TBC1D5: variants seen among roughly 807,000 people sequenced by gnomAD.
The protein encoded by TBC1D5 is TBC1 domain family, member 5.
A neutral mutation model predicts 100.3 loss-of-function variants in TBC1D5; 75 were observed. The observed-to-expected ratio is 0.75, with a 90% confidence interval of 0.62 to 0.91. TBC1D5 has a LOEUF of 0.91. Among genes scored for constraint, TBC1D5 ranks in the 40% least tolerant of loss-of-function variants. The probability of loss-of-function intolerance (pLI) is 0.00; values close to 1 mark genes in which losing one functional copy is unlikely to be tolerated. For missense variants in TBC1D5, 910 were observed against 942.4 expected (o/e 0.97, Z 0.45); for synonymous variants, 323 against 325.6 (o/e 0.99, Z 0.09).
At chr3:17,329,782 T>A (rs553606954) in intron 13 of TBC1D5, among the ~76,000 whole-genome samples, 1 of 152,024 alleles carries the variant, frequency 6.6e-6, no homozygotes, top group African/African-American at 2.4e-5. Context: ...AGATGCCATC[T>A]AAGATCTAAC....
chr3:17,236,225 A>T (rs1272107142), intron 17 of TBC1D5, among the ~76,000 whole-genome samples: 29 of 152,184 alleles, frequency 1.9e-4, no homozygotes, highest in Admixed American at 1.9e-3. Context: ...ACATTAAGAG[A>T]TTCTCTGACT....
intron 12 of TBC1D5, 42 bp downstream of exon 12, chr3:17,374,429 C>T: frequency 6.4e-7 from 1 of 1,558,030 alleles, no homozygotes; most frequent in Non-Finnish European, 8.7e-7. Context: ...AAAGCATTTG[C>T]TCCATAGCAT....
chr3:17,457,044 T>A (rs1380590460), intron 3 of TBC1D5, among the ~76,000 whole-genome samples: 2 of 152,150 alleles, frequency 1.3e-5, no homozygotes, highest in Non-Finnish European at 2.9e-5. Flanking sequence ...GGGGGTAGAA[T>A]CTTTTGCATT....
At chr3:17,468,432 A>G (rs577298228) in intron 3 of TBC1D5, among the ~76,000 whole-genome samples, 4 of 152,250 alleles carry the variant, frequency 2.6e-5, no homozygotes, top group African/African-American at 9.6e-5. Flanking sequence ...TGCAACTTAT[A>G]ATAACTTATA....
intron 1 of TBC1D5, among the ~76,000 whole-genome samples, chr3:17,719,178 A>G (rs2075486491): frequency 6.6e-6 from 1 of 152,208 alleles, no homozygotes; most frequent in African/African-American, 2.4e-5. Context: ...AAAAACTACA[A>G]TGTTTCAAAT....
intron 13 of TBC1D5, among the ~76,000 whole-genome samples, chr3:17,334,170 T>C (rs1478499942): frequency 6.6e-6 from 1 of 151,788 alleles, no homozygotes; most frequent in Non-Finnish European, 1.5e-5. Flanking sequence ...AATATGACCG[T>C]GAGAGTGAGT....
chr3:17,433,212 C>T lies in TBC1D5; in HGVS notation c.98-4693G>A, dbSNP rs1237575817. Among the ~76,000 whole-genome samples, 3 of 152,170 alleles carry T rather than the reference C, an allele frequency of 2.0e-5. No individual in the cohort carries two copies. The East Asian group carries it at 5.8e-4, about 29-fold the overall frequency. Reference sequence around the variant, plus strand: ...TGACACAAGGTGCCTTTCTCTGTTCCGGCTACTTTAGAAGAAGCAGCGGAC... The same window carrying T: ...TGACACAAGGTGCCTTTCTCTGTTCTGGCTACTTTAGAAGAAGCAGCGGAC... On this transcript the variant is annotated intron_variant, in intron 3 of 21. Coordinates refer to ENST00000253692, the Ensembl canonical transcript of TBC1D5.
At chr3:17,251,189 T>C (rs1388405666) in intron 16 of TBC1D5, among the ~76,000 whole-genome samples, 1 of 152,204 alleles carries the variant, frequency 6.6e-6, no homozygotes, top group East Asian at 1.9e-4. Flanking sequence ...TTCATCATGG[T>C]CCACTCTTTT....
intron 13 of TBC1D5, among the ~76,000 whole-genome samples, chr3:17,359,285 G>T (rs1409629920): frequency 6.6e-6 from 1 of 152,028 alleles, no homozygotes; most frequent in Non-Finnish European, 1.5e-5. Context: ...TGATTCAGCA[G>T]CCTTTGTCAA....
chr3:17,253,196 G>A (rs2077320955), intron 16 of TBC1D5, among the ~76,000 whole-genome samples: 1 of 151,840 alleles, frequency 6.6e-6, no homozygotes. Flanking sequence ...ATGTTTTATT[G>A]CTAAATTACA....
At chr3:17,438,191 A>G (rs908416934) in intron 3 of TBC1D5, among the ~76,000 whole-genome samples, 17 of 152,216 alleles carry the variant, frequency 1.1e-4, no homozygotes, top group Non-Finnish European at 2.5e-4. Context: ...CAATTACAAA[A>G]CACATTTCCA....
At chr3:17,268,219 T>TA (rs1263211868) in intron 15 of TBC1D5, among the ~76,000 whole-genome samples, 2 of 152,102 alleles carry the variant, frequency 1.3e-5, no homozygotes, top group African/African-American at 4.8e-5. Flanking sequence ...AAATAGCAGA[T>TA]AGTGTTGTAA....
chr3:17,180,916 C>CAAAAAAAAAAAAAAAA (rs76797012), intron 19 of TBC1D5, among the ~76,000 whole-genome samples: 5 of 96,180 alleles, frequency 5.2e-5, no homozygotes, highest in Non-Finnish European at 6.6e-5. Context: ...ACATTTACAC[C>CAAAAAAAAAAAAAAAA]AAAAAAAAAA....
At chr3:17,225,628 C>A (rs930039081) in intron 17 of TBC1D5, among the ~76,000 whole-genome samples, 7 of 151,936 alleles carry the variant, frequency 4.6e-5, no homozygotes, top group Non-Finnish European at 1.0e-4. Flanking sequence ...ATAGTGAGAA[C>A]CAAACTGTGA....
chr3:17,376,026 T>C (rs1030402571), intron 10 of TBC1D5, among the ~76,000 whole-genome samples: 12 of 152,148 alleles, frequency 7.9e-5, no homozygotes, highest in African/African-American at 2.9e-4. Flanking sequence ...ACAAAAGTTA[T>C]TTGCAGGAAA....
chr3:17,713,623 G>A (rs1464916336), intron 1 of TBC1D5, among the ~76,000 whole-genome samples: 1 of 152,074 alleles, frequency 6.6e-6, no homozygotes, highest in Non-Finnish European at 1.5e-5. Flanking sequence ...GGGGAAAAAT[G>A]TTTCTAAATC....
At chr3:17,491,984 G>A (rs1388880740) in intron 3 of TBC1D5, among the ~76,000 whole-genome samples, 2 of 152,120 alleles carry the variant, frequency 1.3e-5, no homozygotes, top group Admixed American at 6.5e-5. Context: ...CTTATTATGG[G>A]TTTATTAAGG....
At chr3:17,388,471 T>C (rs60303234) in intron 8 of TBC1D5, among the ~76,000 whole-genome samples, 13,678 of 152,074 alleles carry the variant, frequency 0.09, 1,416 homozygotes, top group African/African-American at 0.25. Flanking sequence ...TCTCCAATAT[T>C]GCATTATTTT....
At position 17,559,082 on chromosome 3, in the gene TBC1D5, T is replaced by TTAAATAAATAAA. The variant is rs10575585; in HGVS notation, c.-35-50489_-35-50478dup. ...CGGTCTATTTTCTATTCTCTTTCTC[T>TTAAATAAATAAA]TAAATAAATAAATAAATAAATAAAT... On this transcript the variant is annotated intron_variant, in intron 2 of 21. Transcript: ENST00000253692. Among the ~76,000 whole-genome samples the TTAAATAAATAAA allele has an allele frequency of 2.8e-3, 416 of 149,846 alleles. 2 individuals carry two copies. Among genetic ancestry groups the TTAAATAAATAAA allele is most frequent in the Middle Eastern group, 6.9e-3 (2 of 290 alleles).
Sources: gnomAD v4.1 joint callset for allele counts (sites outside exome capture counted in the v4.1 genomes callset) on GRCh38, gnomAD v4.1.1 for gene constraint, MANE v1.5 for transcripts, NCBI Gene and HGNC (gene_info 2026-07-23, HGNC 2026-07-21) for gene names.